The following METTL15 variants were observed in gnomAD, a reference collection of about 807,000 sequenced individuals.
The protein encoded by METTL15 is 12S rRNA N(4)-cytidine methyltransferase METTL15.
METTL15 carries 34 observed loss-of-function variants against 38.3 expected under a neutral mutation model. That is an observed-to-expected ratio of 0.89 (90% CI 0.68 to 1.18). The LOEUF (loss-of-function observed/expected upper bound fraction) is 1.18. Ranked by LOEUF, METTL15 falls within the 50% of genes most tolerant of loss-of-function variation. The pLI is 0.00. For synonymous variants in METTL15, 162 were observed against 170.9 expected (o/e 0.95, Z 0.41); for missense variants, 438 against 498.4 (o/e 0.88, Z 1.15).
At chr11:28,514,383 T>G (rs963271625) in intron 6 of METTL15, among the ~76,000 whole-genome samples, 6 of 152,098 alleles carry the variant, frequency 3.9e-5, no homozygotes, top group Non-Finnish European at 7.4e-5. Flanking sequence ...ACAAGGGAAG[T>G]CACTTGAAGA....
At chr11:28,206,970 CTT>C (rs1852372260) in intron 3 of METTL15, among the ~76,000 whole-genome samples, 1 of 117,540 alleles carries the variant, frequency 8.5e-6, no homozygotes. Flanking sequence ...TATCCTGAGA[CTT>C]TGCTGAAGTT....
chr11:28,324,671 A>G (rs1004889819), intron 6 of METTL15, among the ~76,000 whole-genome samples: 4 of 152,174 alleles, frequency 2.6e-5, no homozygotes, highest in African/African-American at 7.2e-5. Flanking sequence ...TGACATTTAA[A>G]AAGTATTTTC....
At chr11:28,505,317 C>CA (rs1467525117) in intron 6 of METTL15, among the ~76,000 whole-genome samples, 1 of 152,190 alleles carries the variant, frequency 6.6e-6, no homozygotes, top group Non-Finnish European at 1.5e-5. Flanking sequence ...GGAAACTCAT[C>CA]AAGTAGCTGG....
chr11:28,113,230 A>G, intron 2 of METTL15, 88 bp from the exon 3 acceptor site: 1 of 892,748 alleles, frequency 1.1e-6, no homozygotes, highest in Non-Finnish European at 1.7e-6. Context: ...TTGATGTGCT[A>G]AATATTGCAT....
chr11:28,405,526 G>A (rs1850666116), intron 5 of METTL15, among the ~76,000 whole-genome samples: 1 of 152,034 alleles, frequency 6.6e-6, no homozygotes, highest in Non-Finnish European at 1.5e-5. Flanking sequence ...AAGTTTTTGT[G>A]GTCAAATAAA....
intron 3 of METTL15, among the ~76,000 whole-genome samples, chr11:28,347,397 C>T (rs1298741115): frequency 2.6e-5 from 4 of 152,200 alleles, no homozygotes; most frequent in Non-Finnish European, 4.4e-5. Flanking sequence ...TACCTCTCAT[C>T]TTCACTTGGG....
intron 3 of METTL15, among the ~76,000 whole-genome samples, chr11:28,194,192 C>CTCTCT (rs1554995677): frequency 3.2e-5 from 4 of 125,060 alleles, no homozygotes; most frequent in African/African-American, 1.2e-4. Context: ...CTCTCTCTCT[C>CTCTCT]CTCTCTCTCT....
At chr11:28,471,882 T>TG (rs1005383303) in intron 6 of METTL15, among the ~76,000 whole-genome samples, 1 of 151,966 alleles carries the variant, frequency 6.6e-6, no homozygotes, top group Admixed American at 6.6e-5. Context: ...TCATTCTCTG[T>TG]GGGGGGAAAA....
chr11:28,293,501 C>G (rs1002889113), intron 5 of METTL15, among the ~76,000 whole-genome samples: 1 of 152,180 alleles, frequency 6.6e-6, no homozygotes, highest in Non-Finnish European at 1.5e-5. Context: ...ATGCCTCCAG[C>G]TTTGTTCTTG....
chr11:28,394,108 C>T (rs557686347), intron 5 of METTL15, among the ~76,000 whole-genome samples: 6 of 151,928 alleles, frequency 3.9e-5, no homozygotes, highest in South Asian at 2.1e-4. Context: ...TATTTTTGTG[C>T]GTCATGTTTT....
intron 6 of METTL15, among the ~76,000 whole-genome samples, chr11:28,300,735 T>G (rs1274247620): frequency 1.3e-5 from 2 of 152,178 alleles, no homozygotes; most frequent in African/African-American, 4.8e-5. Context: ...ATATAAATAT[T>G]TAACACATAT....
intron 5 of METTL15, among the ~76,000 whole-genome samples, chr11:28,388,542 G>A (rs1850465270): frequency 6.6e-6 from 1 of 152,128 alleles, no homozygotes; most frequent in African/African-American, 2.4e-5. Flanking sequence ...AAACGTTGCT[G>A]AAAGCAATAC....
At chr11:28,166,689 C>T (rs564977217) in intron 3 of METTL15, among the ~76,000 whole-genome samples, 1 of 152,168 alleles carries the variant, frequency 6.6e-6, no homozygotes, top group Non-Finnish European at 1.5e-5. Flanking sequence ...GTGGCTCATG[C>T]CTGTAACCTC....
Position 28,487,744 on chromosome 11 carries a change from C to T in METTL15, c.*425-38734C>T, listed in dbSNP as rs76298018. 1.1e-3 allele frequency among the ~76,000 whole-genome samples: 169 copies of T among 152,224 alleles called. 1 individual carries two copies. Among genetic ancestry groups the T allele is most frequent in the Non-Finnish European group, 7.9e-4 (54 of 68,006 alleles). On this transcript the variant is annotated intron_variant and NMD_transcript_variant, in intron 6 of 7. Transcript: ENST00000532947. ...AATCCACTGCCTTATCACCATCTAC[C>T]TCTGTCTTAGCTTCTATTTCTTCTC...
intron 6 of METTL15, among the ~76,000 whole-genome samples, chr11:28,324,674 G>A (rs1421002778): frequency 3.3e-5 from 5 of 152,270 alleles, no homozygotes; most frequent in South Asian, 4.1e-4. Context: ...CATTTAAAAA[G>A]TATTTTCATA....
At chr11:28,474,010 T>TA (rs1851324418) in intron 6 of METTL15, among the ~76,000 whole-genome samples, 1 of 151,812 alleles carries the variant, frequency 6.6e-6, no homozygotes, top group African/African-American at 2.4e-5. Context: ...GACTCTAGAG[T>TA]ATGTCAGTTG....
chr11:28,464,322 G>C (rs1311209653), intron 6 of METTL15, among the ~76,000 whole-genome samples: 1 of 152,110 alleles, frequency 6.6e-6, no homozygotes, highest in African/African-American at 2.4e-5. Context: ...TCTGAAAAAA[G>C]CCAAATAGTA....
In METTL15 at chr11:28,272,385, G is replaced by A. The variant is rs1004920289; in HGVS notation, c.408-17821G>A. ...CATATACACCATGGAATACTATGCA[G>A]CCATAAAAAAGGACGAGTTCATGTC... On this transcript the variant is annotated intron_variant, in intron 4 of 6. Coordinates refer to ENST00000407364, the MANE Select transcript of METTL15 (RefSeq NM_001113528.2). 3.9e-5 allele frequency among the ~76,000 whole-genome samples: 6 copies of A among 152,118 alleles called. 1 individual carries two copies. The South Asian group carries it at 1.0e-3, about 26-fold the overall frequency.
intron 5 of METTL15, among the ~76,000 whole-genome samples, chr11:28,292,877 G>A (rs1409300004): frequency 5.3e-5 from 8 of 152,038 alleles, no homozygotes; most frequent in East Asian, 1.9e-4. Flanking sequence ...GTGTCTGTTC[G>A]TATCCTTTGC....
Sources: allele counts gnomAD v4.1 joint callset (sites outside exome capture counted in the v4.1 genomes callset), GRCh38; gene constraint gnomAD v4.1.1; transcripts MANE v1.5; gene names NCBI Gene and HGNC (gene_info 2026-07-23, HGNC 2026-07-21).